SPAST: variants seen among roughly 807,000 people sequenced by gnomAD.
SPAST encodes the protein spastin, also known as spastic paraplegia 4 (autosomal dominant; spastin).
A neutral mutation model predicts 76.6 loss-of-function variants in SPAST; 30 were observed. That is an observed-to-expected ratio of 0.39 (90% CI 0.29 to 0.53). The LOEUF is 0.53. Among genes scored for constraint, SPAST ranks in the 20% least tolerant of loss-of-function variants. SPAST has a pLI of 0.68. For missense variants in SPAST, 717 were observed against 770.5 expected, an observed-to-expected ratio of 0.93 and a Z score of 0.82; for synonymous variants, 305 against 281.0, an observed-to-expected ratio of 1.09 and a Z score of -0.86.
At chr2:32,081,690 A>C in intron 1 of SPAST, among the ~76,000 whole-genome samples, 1 of 148,188 alleles carries the variant, frequency 6.7e-6, no homozygotes, top group South Asian at 2.2e-4. Context: ...AGGCTGAGGC[A>C]GGAAAATTGC....
chr2:32,092,191 A>G (rs1250423780), intron 3 of SPAST, among the ~76,000 whole-genome samples: 1 of 152,170 alleles, frequency 6.6e-6, no homozygotes, highest in Non-Finnish European at 1.5e-5. Context: ...CTGCTTTCAG[A>G]TGAGTAACAA....
chr2:32,146,950 T>C (rs1257454790), intron 15 of SPAST, among the ~76,000 whole-genome samples: 2 of 152,018 alleles, frequency 1.3e-5, no homozygotes, highest in Admixed American at 1.3e-4. Flanking sequence ...AGTTGCATTC[T>C]TTTAAGTTCC....
At position 32,110,658 on chromosome 2, in the gene SPAST, A is replaced by AGTATATATAGTATATATAGT. The variant is rs1558319966; in HGVS notation, c.683-3970_683-3951dup. 5.1e-5 allele frequency among the ~76,000 whole-genome samples: 7 copies of AGTATATATAGTATATATAGT among 137,736 alleles called. No individual in the cohort carries two copies. In the East Asian group the frequency reaches 1.4e-3, roughly 28 times the overall value. 90.4% of individuals were successfully genotyped at this position (137,736 alleles called of 152,430 possible). A position where few individuals can be genotyped will look rare whatever the true frequency, so the allele number is the denominator to read the frequency against. The stretch of plus-strand genomic sequence containing the variant: ...GTAGTATATATAGTATATATAGTAT[A>AGTATATATAGTATATATAGT]GTATATATAGTATATATAGTGTATA... On this transcript the variant is annotated intron_variant, in intron 4 of 16. Coordinates refer to ENST00000315285, the MANE Select transcript of SPAST (RefSeq NM_014946.4).
At chr2:32,064,842 C>T (rs981477896) in intron 1 of SPAST, among the ~76,000 whole-genome samples, 8 of 152,256 alleles carry the variant, frequency 5.3e-5, no homozygotes, top group African/African-American at 1.4e-4. Context: ...ACTTTTCCCC[C>T]TGTTGCTTTG....
intron 3 of SPAST, among the ~76,000 whole-genome samples, chr2:32,093,021 G>A (rs555164715): frequency 0.011 from 1,426 of 125,228 alleles, 20 homozygotes; most frequent in Non-Finnish European, 0.018. Flanking sequence ...AAAAAAAAAC[G>A]CCGGGCACTG....
At chr2:32,085,387 T>C (rs1398410601) in intron 1 of SPAST, among the ~76,000 whole-genome samples, 9 of 152,160 alleles carry the variant, frequency 5.9e-5, no homozygotes, top group Non-Finnish European at 1.5e-5. Flanking sequence ...GGTTAATTTT[T>C]AAATTTTTTG....
chr2:32,101,718 T>A (rs1678132783), intron 4 of SPAST, among the ~76,000 whole-genome samples: 1 of 152,252 alleles, frequency 6.6e-6, no homozygotes, highest in Non-Finnish European at 1.5e-5. Flanking sequence ...CCAGCACCAT[T>A]TATTAAATAG....
intron 1 of SPAST, chr2:32,065,979 T>C (rs1297653958): frequency 1.3e-5 from 2 of 151,044 alleles, no homozygotes; most frequent in Non-Finnish European, 3.0e-5. Context: ...CATTCTTTTT[T>C]TTTTTTTTTT....
chr2:32,112,009 G>GTAC (rs1421941527), intron 4 of SPAST, among the ~76,000 whole-genome samples: 3 of 145,288 alleles, frequency 2.1e-5, no homozygotes, highest in Non-Finnish European at 4.5e-5. Context: ...AGTAGTAGTA[G>GTAC]TAGTTTTTTT....
At chr2:32,100,812 A>C (rs1678092003) in intron 4 of SPAST, among the ~76,000 whole-genome samples, 1 of 152,204 alleles carries the variant, frequency 6.6e-6, no homozygotes, top group Admixed American at 6.5e-5. Flanking sequence ...ATGGCTGCTT[A>C]GTATTCCATG....
chr2:32,144,560 A>T (rs566238631), intron 14 of SPAST, among the ~76,000 whole-genome samples: 7 of 152,132 alleles, frequency 4.6e-5, no homozygotes, highest in Non-Finnish European at 2.9e-5. Context: ...CTCTTATTAT[A>T]TGGAGATTTT....
At chr2:32,143,022 T>G (rs958773849) in intron 13 of SPAST, among the ~76,000 whole-genome samples, 16 of 152,178 alleles carry the variant, frequency 1.1e-4, no homozygotes, top group South Asian at 4.2e-4. Context: ...TCCCAACACT[T>G]TGGGAGGCTG....
chr2:32,084,887 C>CAAAAA (rs34046587), intron 1 of SPAST, among the ~76,000 whole-genome samples: 3 of 81,564 alleles, frequency 3.7e-5, no homozygotes, highest in Admixed American at 1.6e-4. Context: ...GACTCCGTCT[C>CAAAAA]AAAAAAAAAA....
At chr2:32,100,485 C>T (rs977364618) in intron 4 of SPAST, among the ~76,000 whole-genome samples, 11 of 151,830 alleles carry the variant, frequency 7.2e-5, no homozygotes, top group Admixed American at 2.6e-4. Context: ...TTACACTTTA[C>T]GTTCTAGGGT....
intron 3 of SPAST, among the ~76,000 whole-genome samples, chr2:32,092,864 C>T (rs1677775779): frequency 6.6e-6 from 1 of 151,816 alleles, no homozygotes; most frequent in African/African-American, 2.4e-5. Context: ...AAAAATTAGC[C>T]AGGCTGGTGG....
intron 1 of SPAST, among the ~76,000 whole-genome samples, chr2:32,084,907 A>G (rs909806057): frequency 6.6e-6 from 1 of 151,262 alleles, no homozygotes; most frequent in Non-Finnish European, 1.5e-5. Context: ...AAAAAAAAAA[A>G]AAAGGGAAGG....
At chr2:32,074,346 T>G (rs1241692737) in intron 1 of SPAST, among the ~76,000 whole-genome samples, 1 of 152,180 alleles carries the variant, frequency 6.6e-6, no homozygotes, top group Non-Finnish European at 1.5e-5. Flanking sequence ...TGCCTGTGTT[T>G]AGACATAATT....
chr2:32,145,305 C>G (rs1311050534), intron 15 of SPAST, among the ~76,000 whole-genome samples: 1 of 152,134 alleles, frequency 6.6e-6, no homozygotes, highest in Non-Finnish European at 1.5e-5. Flanking sequence ...CCATGTTGCC[C>G]AAGCTGGTCT....
At chr2:32,068,238 A>G (rs962663114) in intron 1 of SPAST, among the ~76,000 whole-genome samples, 2 of 151,778 alleles carry the variant, frequency 1.3e-5, no homozygotes, top group African/African-American at 4.8e-5. Context: ...TCGGCCTCCC[A>G]AAGTGCTGGG....
Sources: allele counts gnomAD v4.1 joint callset (sites outside exome capture counted in the v4.1 genomes callset), GRCh38; gene constraint gnomAD v4.1.1; transcripts MANE v1.5; gene names NCBI Gene and HGNC (gene_info 2026-07-23, HGNC 2026-07-21).